The following RIPOR2 variants were observed in gnomAD, a reference collection of about 807,000 sequenced individuals.
RIPOR2 encodes the protein RHO family interacting cell polarization regulator 2, also known as rho family-interacting cell polarization regulator 2.
A neutral mutation model predicts 114.5 loss-of-function variants in RIPOR2; 39 were observed. The ratio of observed to expected loss-of-function variants is 0.34; its 90% CI spans 0.26 to 0.44. The LOEUF is 0.44. RIPOR2 is among the 20% of genes least tolerant of loss of function. The probability of loss-of-function intolerance (pLI) is 1.00; values close to 1 mark genes in which losing one functional copy is unlikely to be tolerated. For synonymous variants in RIPOR2, 445 were observed against 484.4 expected (o/e 0.92, Z 1.07); for missense variants, 1,007 against 1,255.1 (o/e 0.80, Z 2.99).
intron 1 of RIPOR2, among the ~76,000 whole-genome samples, chr6:24,892,473 A>G (rs1360123394): frequency 2.0e-5 from 3 of 152,034 alleles, no homozygotes; most frequent in Non-Finnish European, 2.9e-5. Flanking sequence ...TTTGAAGGCC[A>G]CTTTTTATTT....
At chr6:24,864,026 G>C (rs4431426) in intron 7 of RIPOR2, among the ~76,000 whole-genome samples, 90,552 of 152,148 alleles carry the variant, frequency 0.6, 27,562 homozygotes, top group Middle Eastern at 0.69. Context: ...TCTAGGCCGG[G>C]CTCAGTGGCT....
chr6:24,958,851 CTG>C (rs1773164852), intron 1 of RIPOR2, among the ~76,000 whole-genome samples: 1 of 151,950 alleles, frequency 6.6e-6, no homozygotes, highest in African/African-American at 2.4e-5. Context: ...TCCAAGGACT[CTG>C]AGAGAAAATC....
Position 24,848,168 on chromosome 6 carries a change from G to A in RIPOR2, c.1035-14C>T. ...ACGTCAAATGGACTGCAAAACAACAGGTCCCCAGGTATGCACATTTGGCAA... is the reference window on the plus strand; with the variant it reads ...ACGTCAAATGGACTGCAAAACAACAAGTCCCCAGGTATGCACATTTGGCAA... On this transcript the variant is annotated splice_polypyrimidine_tract_variant and intron_variant, in intron 11 of 21. Coordinates refer to ENST00000643898, the MANE Select transcript of RIPOR2 (RefSeq NM_001286445.3). The A allele has an allele frequency of 6.2e-7, 1 of 1,612,546 alleles. No homozygotes were observed. The highest frequency in any genetic ancestry group is 8.5e-7 in the Non-Finnish European group (1 of 1,179,308).
intron 1 of RIPOR2, among the ~76,000 whole-genome samples, chr6:24,923,966 C>T (rs1770680663): frequency 6.6e-6 from 1 of 152,172 alleles, no homozygotes; most frequent in Non-Finnish European, 1.5e-5. Flanking sequence ...AACCATGTGG[C>T]CCCTCTAAAT....
upstream of RIPOR2, among the ~76,000 whole-genome samples, chr6:24,937,755 G>A (rs186136825): frequency 4.9e-4 from 75 of 152,260 alleles, no homozygotes; most frequent in Middle Eastern, 3.4e-3. Context: ...TGGGGGCTCT[G>A]AGGGCTTGAA....
Position 24,957,865 on chromosome 6 carries a change from G to C in RIPOR2, c.77-82048C>G, listed in dbSNP as rs1773110776. ...ACTCCAGCCTGGGCGACAGAGCGAAGACTCCGTCTCAAAAAACAAAAAAGC... is the reference window on the plus strand; with the variant it reads ...ACTCCAGCCTGGGCGACAGAGCGAACACTCCGTCTCAAAAAACAAAAAAGC... On this transcript the variant is annotated intron_variant, in intron 1 of 13. Transcript: ENST00000510784. Among the ~76,000 whole-genome samples, 3 of 152,148 alleles carry C rather than the reference G, an allele frequency of 2.0e-5. No individual in the cohort carries two copies. The South Asian group carries it at 6.2e-4, about 32-fold the overall frequency.
chr6:25,025,108 G>C (rs983167178), intron 1 of RIPOR2, among the ~76,000 whole-genome samples: 1 of 152,184 alleles, frequency 6.6e-6, no homozygotes, highest in Non-Finnish European at 1.5e-5. Flanking sequence ...AGAGAGGACA[G>C]AGTTTGATAT....
intron 1 of RIPOR2, among the ~76,000 whole-genome samples, chr6:24,958,688 C>T (rs1338225786): frequency 6.6e-6 from 1 of 152,124 alleles, no homozygotes; most frequent in Admixed American, 6.6e-5. Context: ...ACAGAGTGAA[C>T]TTTCACTCTT....
chr6:24,946,223 C>T (rs181187608), intron 1 of RIPOR2, among the ~76,000 whole-genome samples: 1 of 152,084 alleles, frequency 6.6e-6, no homozygotes, highest in Non-Finnish European at 1.5e-5. Context: ...GCTGGGATTA[C>T]ACCACCATGC....
chr6:25,000,655 C>A (rs1218840256), intron 1 of RIPOR2, among the ~76,000 whole-genome samples: 1 of 147,262 alleles, frequency 6.8e-6, no homozygotes, highest in African/African-American at 2.5e-5. Context: ...TTTTTTTTTT[C>A]TTCCCGTGCT....
chr6:25,002,044 CT>C (rs1775346364), intron 1 of RIPOR2, among the ~76,000 whole-genome samples: 1 of 152,154 alleles, frequency 6.6e-6, no homozygotes, highest in African/African-American at 2.4e-5. Flanking sequence ...CTATTCAGCT[CT>C]ACCATTGTAG....
chr6:24,838,702 G>A lies in RIPOR2; in HGVS notation c.2039+389C>T, dbSNP rs571427150. 9.5e-4 allele frequency among the ~76,000 whole-genome samples: 145 copies of A among 152,264 alleles called. 2 individuals carry two copies. The highest frequency in any genetic ancestry group is 4.4e-5 in the Non-Finnish European group (3 of 68,014). On this transcript the variant is annotated intron_variant, in intron 14 of 21. Coordinates refer to ENST00000643898, the MANE Select transcript of RIPOR2 (RefSeq NM_001286445.3). ...CCAGCTACTCCGGAAGCTGAGGCAG[G>A]AGAATCGCTTGAACCTGGGAGGTGG...
At chr6:25,026,972 C>T (rs566555398) in intron 1 of RIPOR2, among the ~76,000 whole-genome samples, 39 of 152,170 alleles carry the variant, frequency 2.6e-4, no homozygotes, top group Admixed American at 4.6e-4. Flanking sequence ...TTGCTGACAT[C>T]ACCTCACAAG....
chr6:24,954,593 C>G (rs772933059), intron 1 of RIPOR2, among the ~76,000 whole-genome samples: 58 of 151,730 alleles, frequency 3.8e-4, no homozygotes, highest in Non-Finnish European at 2.5e-4. Context: ...GTAGCTGGGA[C>G]TACAGGCATG....
chr6:25,004,649 G>GC (rs1432247345), intron 1 of RIPOR2, among the ~76,000 whole-genome samples: 2 of 152,206 alleles, frequency 1.3e-5, no homozygotes, highest in African/African-American at 4.8e-5. Flanking sequence ...GCTGCTGAGG[G>GC]ACTATTTGTC....
At position 24,927,287 on chromosome 6, in the gene RIPOR2, C is replaced by CCACCACAACTACAAT. The variant is rs1561783035; in HGVS notation, c.61+8550_61+8551insATTGTAGTTGTGGTG. 1.7e-4 allele frequency among the ~76,000 whole-genome samples: 3 copies of CCACCACAACTACAAT among 17,932 alleles called. 1 individual carries two copies. The highest frequency in any genetic ancestry group is 2.6e-4 in the Non-Finnish European group (2 of 7,788). The allele number at this position is 17,932 out of a possible 152,430, so 11.8% of individuals were successfully genotyped here. A position where few individuals can be genotyped will look rare whatever the true frequency, so the allele number is the denominator to read the frequency against. On this transcript the variant is annotated intron_variant, in intron 1 of 21. Transcript: ENST00000643898. ...ACCACAGCTACAATCACCACCACCA[C>CCACCACAACTACAAT]CACCACCACCACCACCACAACTACA...
intron 1 of RIPOR2, among the ~76,000 whole-genome samples, chr6:24,903,987 TC>T (rs1338518267): frequency 6.6e-6 from 1 of 152,212 alleles, no homozygotes; most frequent in Non-Finnish European, 1.5e-5. Context: ...CTTGCTGCCT[TC>T]CTTACTGGAG....
chr6:24,878,520 G>A (rs937904257), intron 1 of RIPOR2, among the ~76,000 whole-genome samples: 6 of 152,004 alleles, frequency 3.9e-5, no homozygotes, highest in African/African-American at 1.5e-4. Context: ...TAGAGTATTC[G>A]AAATATTTAA....
At chr6:24,992,266 T>G (rs1292927147) in intron 1 of RIPOR2, among the ~76,000 whole-genome samples, 1 of 152,126 alleles carries the variant, frequency 6.6e-6, no homozygotes, top group East Asian at 1.9e-4. Context: ...TCATGAAATT[T>G]TCATAATTTG....
Sources: allele counts gnomAD v4.1 joint callset (sites outside exome capture counted in the v4.1 genomes callset), GRCh38; gene constraint gnomAD v4.1.1; transcripts MANE v1.5; gene names NCBI Gene and HGNC (gene_info 2026-07-23, HGNC 2026-07-21).